The following NBEA variants were observed in gnomAD, a reference collection of about 807,000 sequenced individuals.
NBEA encodes neurobeachin.
NBEA carries 44 observed loss-of-function variants against 343.4 expected under a neutral mutation model. That is an observed-to-expected ratio of 0.13 (90% CI 0.10 to 0.16). The LOEUF (loss-of-function observed/expected upper bound fraction) is 0.16, where lower values mean the gene tolerates loss of function less well. Ranked by LOEUF, NBEA falls within the 10% of genes least tolerant of loss-of-function variation. NBEA has a pLI of 1.00. For synonymous variants in NBEA, 1,175 were observed against 1,238.7 expected (o/e 0.95, Z 1.08); for missense variants, 2,555 against 3,631.3 (o/e 0.70, Z 7.62).
At chr13:35,594,548 AT>A (rs1174503190) in intron 47 of NBEA, among the ~76,000 whole-genome samples, 1 of 152,180 alleles carries the variant, frequency 6.6e-6, no homozygotes, top group Admixed American at 6.6e-5. Flanking sequence ...TGTAAAAAAA[AT>A]AAGAGAATTT....
chr13:35,310,037 T>C (rs921443642), intron 36 of NBEA, among the ~76,000 whole-genome samples: 2 of 152,276 alleles, frequency 1.3e-5, no homozygotes, highest in East Asian at 3.9e-4. Context: ...ATAGCAAATA[T>C]ATCTGTCTCG....
intron 48 of NBEA, among the ~76,000 whole-genome samples, chr13:35,615,371 T>C (rs1285093101): frequency 1.3e-5 from 2 of 150,968 alleles, no homozygotes; most frequent in Non-Finnish European, 2.9e-5. Context: ...TGAGACAGAG[T>C]CTTACTCTGT....
At chr13:35,193,355 A>T (rs377370371) in intron 30 of NBEA, among the ~76,000 whole-genome samples, 34 of 152,042 alleles carry the variant, frequency 2.2e-4, no homozygotes, top group African/African-American at 8.2e-4. Context: ...ATGTACGGCT[A>T]TTCTTCTTTT....
chr13:35,603,353 GCCC>G (rs2082141504), intron 47 of NBEA, among the ~76,000 whole-genome samples: 3 of 152,084 alleles, frequency 2.0e-5, no homozygotes, highest in Non-Finnish European at 2.9e-5. Flanking sequence ...CTTTGCGTTT[GCCC>G]AGATTTTATT....
At chr13:35,471,818 T>C (rs1410592904) in intron 40 of NBEA, among the ~76,000 whole-genome samples, 3 of 152,242 alleles carry the variant, frequency 2.0e-5, no homozygotes, top group Non-Finnish European at 4.4e-5. Context: ...GTAAGAACTT[T>C]ATGTAATGTC....
intron 38 of NBEA, among the ~76,000 whole-genome samples, chr13:35,414,100 A>G (rs2043751668): frequency 6.6e-6 from 1 of 152,152 alleles, no homozygotes; most frequent in Admixed American, 6.6e-5. Context: ...AAATGCTTTT[A>G]TATACCAAAC....
intron 31 of NBEA, among the ~76,000 whole-genome samples, chr13:35,206,876 C>G (rs2073431808): frequency 6.6e-6 from 1 of 152,056 alleles, no homozygotes; most frequent in Admixed American, 6.6e-5. Flanking sequence ...TGCAATGTCA[C>G]ACTACCTCTC....
chr13:35,453,712 ATTAG>A (rs1294608574), intron 40 of NBEA, among the ~76,000 whole-genome samples: 15 of 152,214 alleles, frequency 9.9e-5, no homozygotes, highest in African/African-American at 3.6e-4. Context: ...AAGATAATTA[ATTAG>A]TTAGTATAGA....
At chr13:35,271,691 G>A (rs903625499) in intron 34 of NBEA, among the ~76,000 whole-genome samples, 4 of 152,172 alleles carry the variant, frequency 2.6e-5, no homozygotes, top group African/African-American at 9.7e-5. Context: ...ATTGCAGTAC[G>A]AGAACTTGGT....
At chr13:35,263,287 T>A (rs2033374669) in intron 34 of NBEA, among the ~76,000 whole-genome samples, 1 of 151,098 alleles carries the variant, frequency 6.6e-6, no homozygotes, top group Non-Finnish European at 1.5e-5. Flanking sequence ...GCTGGACCCT[T>A]CACTAACAAC....
intron 40 of NBEA, among the ~76,000 whole-genome samples, chr13:35,452,653 A>T (rs2046367021): frequency 6.6e-6 from 1 of 152,130 alleles, no homozygotes; most frequent in Non-Finnish European, 1.5e-5. Context: ...GTCACTCTAA[A>T]GAATGTCTCT....
chr13:34,974,425 T>C (rs1011777244), intron 1 of NBEA, among the ~76,000 whole-genome samples: 1 of 152,228 alleles, frequency 6.6e-6, no homozygotes, highest in African/African-American at 2.4e-5. Context: ...CAGCTTATCT[T>C]GTTAGTTTCA....
At chr13:35,064,925 C>T (rs1191921762) in intron 8 of NBEA, among the ~76,000 whole-genome samples, 1 of 150,770 alleles carries the variant, frequency 6.6e-6, no homozygotes, top group African/African-American at 2.4e-5. Context: ...TTATTTAAGC[C>T]ATCCAGCCTC....
intron 24 of NBEA, among the ~76,000 whole-genome samples, chr13:35,166,102 T>G (rs1414282003): frequency 6.6e-6 from 1 of 152,160 alleles, no homozygotes; most frequent in Non-Finnish European, 1.5e-5. Context: ...TATGAAGAAA[T>G]TTTTAAAAGG....
intron 46 of NBEA, among the ~76,000 whole-genome samples, chr13:35,586,997 T>C (rs1030196504): frequency 4.3e-5 from 5 of 116,560 alleles, no homozygotes; most frequent in Admixed American, 1.1e-4. Context: ...ATTTGAACTC[T>C]CAAATAGTCA....
At chr13:35,644,899 A>G (rs558274482) in intron 49 of NBEA, among the ~76,000 whole-genome samples, 1 of 152,338 alleles carries the variant, frequency 6.6e-6, no homozygotes, top group Admixed American at 6.5e-5. Context: ...AAATAAATGT[A>G]TACATAAAAA....
intron 38 of NBEA, among the ~76,000 whole-genome samples, chr13:35,415,346 C>T (rs922788887): frequency 3.9e-5 from 6 of 152,094 alleles, no homozygotes; most frequent in Non-Finnish European, 7.3e-5. Flanking sequence ...AGGTTTTCTT[C>T]TGGGGTTTTT....
At chr13:34,962,787 T>C (rs2059700525) in intron 1 of NBEA, among the ~76,000 whole-genome samples, 2 of 151,988 alleles carry the variant, frequency 1.3e-5, no homozygotes, top group Admixed American at 1.3e-4. Context: ...GAATTCTACC[T>C]TTACCTGGAA....
chr13:35,114,837 A>G lies in NBEA; in HGVS notation c.2003-2577A>G, dbSNP rs148275597. ...TAATTTTGTTATATAGTAGAATGTA[A>G]GGTTCTGACTTGAAGTATATACTTT... On this transcript the variant is annotated intron_variant, in intron 13 of 58. Transcript: ENST00000379939. Among the ~76,000 whole-genome samples the G allele has an allele frequency of 2.1e-3, 315 of 152,284 alleles. 2 individuals carry two copies. Among genetic ancestry groups the G allele is most frequent in the African/African-American group, 6.6e-3 (276 of 41,566 alleles).
Sources: gnomAD v4.1 joint callset for allele counts (sites outside exome capture counted in the v4.1 genomes callset) on GRCh38, gnomAD v4.1.1 for gene constraint, MANE v1.5 for transcripts, NCBI Gene and HGNC (gene_info 2026-07-23, HGNC 2026-07-21) for gene names.